Variants in CDH8 observed in about 807,000 individuals in gnomAD.
CDH8 encodes the protein cadherin 8.
Under a neutral mutation model 68.1 loss-of-function variants are expected in CDH8, and 17 were observed. That is an observed-to-expected ratio of 0.25 (90% CI 0.17 to 0.37). The LOEUF is 0.37. Ranked by LOEUF, CDH8 falls within the 10% of genes least tolerant of loss-of-function variation. The probability of loss-of-function intolerance (pLI) is 1.00; values close to 1 mark genes in which losing one functional copy is unlikely to be tolerated. For missense variants in CDH8, 763 were observed against 999.3 expected, an observed-to-expected ratio of 0.76 and a Z score of 3.19; for synonymous variants, 372 against 365.1, an observed-to-expected ratio of 1.02 and a Z score of -0.21.
chr16:61,873,498 TTAAA>T (rs1445906616), intron 3 of CDH8, among the ~76,000 whole-genome samples: 2 of 152,186 alleles, frequency 1.3e-5, no homozygotes. Flanking sequence ...TAACTAGTAA[TTAAA>T]TAGTTATGTG....
intron 10 of CDH8, among the ~76,000 whole-genome samples, chr16:61,658,040 A>G (rs937098911): frequency 2.0e-5 from 3 of 152,092 alleles, no homozygotes; most frequent in African/African-American, 7.2e-5. Context: ...TTTACCTGCC[A>G]GTTCCAGGCA....
At chr16:61,996,300 C>T (rs1053250784) in intron 2 of CDH8, among the ~76,000 whole-genome samples, 1 of 152,130 alleles carries the variant, frequency 6.6e-6, no homozygotes, top group East Asian at 1.9e-4. Context: ...GTCTTGACAC[C>T]GTCATTGCAG....
chr16:61,677,397 A>G (rs1232742413), intron 10 of CDH8, among the ~76,000 whole-genome samples: 1 of 151,638 alleles, frequency 6.6e-6, no homozygotes, highest in African/African-American at 2.4e-5. Context: ...AATTATTTTG[A>G]TACAAATGGG....
chr16:61,649,301 G>A lies in CDH8; in HGVS notation c.*4307C>T, dbSNP rs1401433296. ...TCAACTTCTTTCAAATTCAAGGTTA[G>A]ATTCATGAAAACAGAGAGCCACAAT... On this transcript the variant is annotated 3_prime_UTR_variant, in exon 12 of 12. Transcript: ENST00000577390. The A allele has an allele frequency of 2.0e-5, 3 of 151,784 alleles. No individual in the cohort carries two copies. The highest frequency in any genetic ancestry group is 2.9e-5 in the Non-Finnish European group (2 of 67,930). 9.4% of individuals were successfully genotyped at this position (151,784 alleles called of 1,614,324 possible). A position where few individuals can be genotyped will look rare whatever the true frequency, so the allele number is the denominator to read the frequency against.
At chr16:61,707,879 A>C (rs1322435762) in intron 10 of CDH8, among the ~76,000 whole-genome samples, 7 of 152,174 alleles carry the variant, frequency 4.6e-5, no homozygotes, top group African/African-American at 1.4e-4. Flanking sequence ...CCCAAGACTG[A>C]TTTTTATGCT....
chr16:61,979,372 C>T (rs1041758519), intron 2 of CDH8, among the ~76,000 whole-genome samples: 1 of 152,124 alleles, frequency 6.6e-6, no homozygotes, highest in African/African-American at 2.4e-5. Flanking sequence ...AAATAAAAAA[C>T]TTTTATTTAC....
intron 3 of CDH8, among the ~76,000 whole-genome samples, chr16:61,899,840 A>ACACACG (rs1031792508): frequency 1.1e-4 from 17 of 148,746 alleles, no homozygotes; most frequent in African/African-American, 4.3e-4. Flanking sequence ...AGACACACAC[A>ACACACG]CACACACACA....
intron 4 of CDH8, among the ~76,000 whole-genome samples, chr16:61,832,893 C>T (rs905971811): frequency 1.3e-5 from 2 of 151,674 alleles, no homozygotes; most frequent in African/African-American, 2.4e-5. Context: ...AATAAATACA[C>T]ACAAAGATAG....
intron 10 of CDH8, among the ~76,000 whole-genome samples, chr16:61,711,330 C>T (rs982632581): frequency 6.6e-6 from 1 of 151,662 alleles, no homozygotes; most frequent in Non-Finnish European, 1.5e-5. Flanking sequence ...AAATCATCTC[C>T]CTTAAAGATC....
intron 2 of CDH8, among the ~76,000 whole-genome samples, chr16:61,961,314 CA>C (rs796223369): frequency 3.7e-4 from 52 of 142,164 alleles, no homozygotes; most frequent in East Asian, 2.5e-3. Context: ...GACATAGTCT[CA>C]AAAAAAAAAA....
chr16:61,782,521 C>T (rs1367878622), intron 8 of CDH8, among the ~76,000 whole-genome samples: 5 of 152,212 alleles, frequency 3.3e-5, no homozygotes, highest in African/African-American at 4.8e-5. Flanking sequence ...GAGGGGCGCC[C>T]GCCATTGCCC....
intron 2 of CDH8, among the ~76,000 whole-genome samples, chr16:62,007,021 T>C (rs1323988198): frequency 6.6e-6 from 1 of 151,978 alleles, no homozygotes; most frequent in Non-Finnish European, 1.5e-5. Context: ...GATTCTCCTG[T>C]TTCAGCCTCC....
intron 9 of CDH8, chr16:61,725,095 C>G (rs1313757271): frequency 6.6e-6 from 1 of 150,848 alleles, no homozygotes; most frequent in East Asian, 1.9e-4. Flanking sequence ...TATGTCTAAA[C>G]AGATCATTAG....
intron 3 of CDH8, among the ~76,000 whole-genome samples, chr16:61,899,831 GACACACACAC>G (rs35171683): frequency 1.4e-3 from 213 of 147,334 alleles, no homozygotes; most frequent in African/African-American, 4.3e-3. Context: ...ATGTTATAAA[GACACACACAC>G]ACACACACAC....
chr16:61,744,940 T>G (rs1002438084), intron 8 of CDH8, among the ~76,000 whole-genome samples: 1 of 151,388 alleles, frequency 6.6e-6, no homozygotes, highest in Non-Finnish European at 1.5e-5. Flanking sequence ...GTAGTATATA[T>G]TATTTTGTAT....
chr16:61,953,268 T>C (rs769604117), intron 2 of CDH8, among the ~76,000 whole-genome samples: 12 of 152,180 alleles, frequency 7.9e-5, no homozygotes, highest in Admixed American at 3.3e-4. Flanking sequence ...GAGAACTATA[T>C]AAATTAATAC....
chr16:61,927,317 G>A (rs1174099208), intron 2 of CDH8, among the ~76,000 whole-genome samples: 2 of 152,090 alleles, frequency 1.3e-5, no homozygotes, highest in African/African-American at 4.8e-5. Context: ...GTAGATATAA[G>A]TATAGTAGAT....
In CDH8 at chr16:61,672,362, C is replaced by A. The variant is rs981079183; in HGVS notation, c.1655-16641G>T. On this transcript the variant is annotated intron_variant, in intron 10 of 11. Coordinates refer to ENST00000577390, the MANE Select transcript of CDH8 (RefSeq NM_001796.5). ...TTTGAATATCATAGTAGACAGTGCC[C>A]AGGCTCTGGAATCATTTTTATTTGC... 3.9e-5 allele frequency among the ~76,000 whole-genome samples: 6 copies of A among 152,118 alleles called. 1 individual carries two copies. The highest frequency in any genetic ancestry group is 1.4e-4 in the African/African-American group (6 of 41,504).
At chr16:61,681,320 C>T (rs1032816980) in intron 10 of CDH8, among the ~76,000 whole-genome samples, 1 of 151,850 alleles carries the variant, frequency 6.6e-6, no homozygotes, top group Non-Finnish European at 1.5e-5. Flanking sequence ...AGCCTATCCA[C>T]ACAATGCAAT....
Sources: allele counts gnomAD v4.1 joint callset (sites outside exome capture counted in the v4.1 genomes callset), GRCh38; gene constraint gnomAD v4.1.1; transcripts MANE v1.5; gene names NCBI Gene and HGNC (gene_info 2026-07-23, HGNC 2026-07-21).